The following EPS15 variants were observed in gnomAD, a reference collection of about 807,000 sequenced individuals.
The protein encoded by EPS15 is epidermal growth factor receptor substrate 15.
EPS15 carries 72 observed loss-of-function variants against 113.8 expected under a neutral mutation model. The observed-to-expected ratio is 0.63, with a 90% CI of 0.52 to 0.77. The LOEUF (loss-of-function observed/expected upper bound fraction) is 0.77, where lower values mean the gene tolerates loss of function less well. Ranked by LOEUF, EPS15 falls within the 30% of genes least tolerant of loss-of-function variation. The pLI, the probability that EPS15 is intolerant of heterozygous loss-of-function variation, is 0.00. For missense variants in EPS15, 1,048 were observed against 1,045.8 expected (o/e 1.00, Z -0.03); for synonymous variants, 344 against 363.4 (o/e 0.95, Z 0.61).
intron 1 of EPS15, among the ~76,000 whole-genome samples, chr1:51,483,138 T>C (rs1320000100): frequency 6.6e-6 from 1 of 152,178 alleles, no homozygotes; most frequent in Admixed American, 6.5e-5. Flanking sequence ...CTACTCTGTA[T>C]ATGGTACCTG....
chr1:51,475,329 C>T (rs540394654), intron 2 of EPS15, among the ~76,000 whole-genome samples: 8 of 151,946 alleles, frequency 5.3e-5, no homozygotes, highest in Non-Finnish European at 8.8e-5. Context: ...TTCTCCACAT[C>T]CTCTCTAACA....
At chr1:51,423,649 ATT>A (rs1370566742) in intron 12 of EPS15, 13 of 985,168 alleles carry the variant, frequency 1.3e-5, no homozygotes, top group Non-Finnish European at 1.6e-5. Context: ...CAGTGCACAC[ATT>A]TGTACTGAAT....
intron 16 of EPS15, 124 bp downstream of exon 16, chr1:51,405,781 A>G: frequency 1.3e-6 from 1 of 757,240 alleles, no homozygotes; most frequent in Non-Finnish European, 2.2e-6. Context: ...TCTGCTTCTA[A>G]AAAGGAAATC....
At chr1:51,480,034 G>C (rs1022422002) in intron 2 of EPS15, among the ~76,000 whole-genome samples, 2 of 152,148 alleles carry the variant, frequency 1.3e-5, no homozygotes, top group Non-Finnish European at 2.9e-5. Context: ...TAAGATAGAA[G>C]AACAAATGTA....
intron 8 of EPS15, among the ~76,000 whole-genome samples, chr1:51,452,951 T>C (rs184915278): frequency 6.6e-6 from 1 of 152,318 alleles, no homozygotes; most frequent in East Asian, 1.9e-4. Flanking sequence ...AGTTCCCGAA[T>C]GATGCTGATG....
In EPS15 at chr1:51,444,996, C is replaced by T; in HGVS notation, c.847G>A (p.Ala283Thr). The change falls in exon 11 of 25, where the codon GCC (alanine) becomes ACC (threonine). Residue 283 changes from alanine to threonine, a missense_variant. Ala to Thr is a moderately conservative substitution (Grantham distance 58, BLOSUM62 0). Coordinates refer to ENST00000371733, the MANE Select transcript of EPS15 (RefSeq NM_001981.3). ...DCGKLSKDQFALAFHLISQKL... is the reference protein window; with the variant it reads ...DCGKLSKDQFTLAFHLISQKL... ...TGACTGATTAAGTGAAAAGCCAAGG[C>T]AAACTGATCCTTTGAAAGCTTCCCA... 1 of 1,613,960 alleles carries T rather than the reference C, an allele frequency of 6.2e-7. No individual in the cohort carries two copies. Among genetic ancestry groups the T allele is most frequent in the Non-Finnish European group, 8.5e-7 (1 of 1,179,914 alleles).
At chr1:51,453,937 C>T (rs1047314453) in intron 8 of EPS15, among the ~76,000 whole-genome samples, 7 of 151,194 alleles carry the variant, frequency 4.6e-5, no homozygotes, top group Admixed American at 4.0e-4. Context: ...ATAAACCCAG[C>T]TACTCTGGAG....
At chr1:51,382,414 T>A (rs1036718242) in intron 21 of EPS15, 1 of 148,592 alleles carries the variant, frequency 6.7e-6, no homozygotes. Flanking sequence ...TCCATATTTT[T>A]AATTTTTTTT....
intron 12 of EPS15, among the ~76,000 whole-genome samples, chr1:51,434,008 G>A (rs901104813): frequency 1.3e-5 from 2 of 152,214 alleles, no homozygotes; most frequent in Non-Finnish European, 2.9e-5. Flanking sequence ...CAGCTCTCAA[G>A]AATGGGTCCA....
At chr1:51,386,387 C>A (rs577635878) in intron 21 of EPS15, among the ~76,000 whole-genome samples, 1 of 152,318 alleles carries the variant, frequency 6.6e-6, no homozygotes, top group African/African-American at 2.4e-5. Context: ...AAATGTCAGA[C>A]AGAGTGGCCT....
chr1:51,354,668 C>G lies in EPS15; in HGVS notation c.*2032G>C, dbSNP rs566067508. 5.4e-6 allele frequency: 1 copy of G among 184,636 alleles called. No homozygotes were observed. The highest frequency in any genetic ancestry group is 2.3e-5 in the African/African-American group (1 of 42,670). 11.4% of individuals were successfully genotyped at this position (184,636 alleles called of 1,614,324 possible). A position where few individuals can be genotyped will look rare whatever the true frequency, so the allele number is the denominator to read the frequency against. Reference sequence around the variant, plus strand: ...ATACCACAAACGACTCTAAGACATTCATCCTACACAAGCGAGCACATATAC... The same window carrying G: ...ATACCACAAACGACTCTAAGACATTGATCCTACACAAGCGAGCACATATAC... On this transcript the variant is annotated 3_prime_UTR_variant, in exon 25 of 25. Transcript: ENST00000371733.
intron 1 of EPS15, among the ~76,000 whole-genome samples, chr1:51,506,252 T>C (rs954911483): frequency 1.3e-5 from 2 of 152,214 alleles, no homozygotes; most frequent in Non-Finnish European, 2.9e-5. Flanking sequence ...AGATGGCTCA[T>C]ATTTTTAAAT....
At chr1:51,420,172 CT>C (rs1299771849) in intron 13 of EPS15, among the ~76,000 whole-genome samples, 1 of 152,078 alleles carries the variant, frequency 6.6e-6, no homozygotes, top group Non-Finnish European at 1.5e-5. Flanking sequence ...AGACATACAC[CT>C]TACCATTGCC....
chr1:51,500,939 G>A (rs59302433), intron 1 of EPS15, among the ~76,000 whole-genome samples: 4,559 of 150,674 alleles, frequency 0.03, 76 homozygotes, highest in African/African-American at 0.05. Context: ...AGCCAAGATC[G>A]AGCCACTGCA....
intron 21 of EPS15, chr1:51,372,500 T>G (rs139494456): frequency 1.9e-6 from 1 of 532,974 alleles, no homozygotes; most frequent in African/African-American, 1.9e-5. Context: ...AAAACATGTA[T>G]GGAATGTTTA....
chr1:51,384,298 C>CTTTTT (rs67265512), intron 21 of EPS15, among the ~76,000 whole-genome samples: 310 of 99,388 alleles, frequency 3.1e-3, no homozygotes, highest in East Asian at 6.6e-3. Context: ...TTCTTTCTTT[C>CTTTTT]TTTTTTTTTT....
At chr1:51,357,414 ATATATATATATATTTT>A (rs1342117235) in intron 24 of EPS15, among the ~76,000 whole-genome samples, 27 of 62,646 alleles carry the variant, frequency 4.3e-4, no homozygotes, top group African/African-American at 1.6e-3. Context: ...ATATATATAT[ATATATATATATATTTT>A]TTTTTTTTAA....
intron 1 of EPS15, among the ~76,000 whole-genome samples, chr1:51,516,949 G>C (rs1644730220): frequency 6.6e-6 from 1 of 152,194 alleles, no homozygotes; most frequent in African/African-American, 2.4e-5. Flanking sequence ...ATGTCTAAAT[G>C]TGTGTGCTGG....
At chr1:51,468,295 G>C (rs1654996090) in intron 5 of EPS15, among the ~76,000 whole-genome samples, 178 bp downstream of exon 5, 1 of 152,032 alleles carries the variant, frequency 6.6e-6, no homozygotes, top group South Asian at 2.1e-4. Context: ...AATCACTCTG[G>C]AAGGATACAC....
Sources: allele counts gnomAD v4.1 joint callset (sites outside exome capture counted in the v4.1 genomes callset), GRCh38; gene constraint gnomAD v4.1.1; transcripts MANE v1.5; gene names NCBI Gene and HGNC (gene_info 2026-07-23, HGNC 2026-07-21).